Variants in MRTFB observed in about 807,000 individuals in gnomAD.
The protein encoded by MRTFB is myocardin related transcription factor B, also known as myocardin-related transcription factor B.
A neutral mutation model predicts 104.2 loss-of-function variants in MRTFB; 29 were observed. The observed-to-expected ratio is 0.28, with a 90% CI of 0.21 to 0.38. The LOEUF (loss-of-function observed/expected upper bound fraction) is 0.38. Among genes scored for constraint, MRTFB ranks in the 10% least tolerant of loss-of-function variants. The pLI, the probability that MRTFB is intolerant of heterozygous loss-of-function variation, is 1.00. For missense variants in MRTFB, 1,270 were observed against 1,341.6 expected (o/e 0.95, Z 0.83); for synonymous variants, 535 against 519.5 (o/e 1.03, Z -0.41).
intron 3 of MRTFB, among the ~76,000 whole-genome samples, chr16:14,179,440 C>G (rs1391314059): frequency 6.6e-6 from 1 of 152,190 alleles, no homozygotes; most frequent in Non-Finnish European, 1.5e-5. Flanking sequence ...TCCAGGTGAT[C>G]AAGGAGATTT....
At chr16:14,062,196 G>A in the MRTFB span, among the ~76,000 whole-genome samples, 571 of 152,206 alleles carry the variant, frequency 3.8e-3, 3 homozygotes, top group African/African-American at 0.013. Flanking sequence ...AGACTCAAGC[G>A]ATCTTCCTGC....
intron 2 of MRTFB, among the ~76,000 whole-genome samples, chr16:14,085,171 T>A (rs2034622335): frequency 6.6e-6 from 1 of 152,006 alleles, no homozygotes; most frequent in Non-Finnish European, 1.5e-5. Flanking sequence ...AAATACATCT[T>A]CTGGCCAGGT....
the MRTFB span, among the ~76,000 whole-genome samples, chr16:14,055,275 C>T: frequency 3.5e-4 from 53 of 152,178 alleles, no homozygotes; most frequent in African/African-American, 1.1e-3. Flanking sequence ...CACTTGAACC[C>T]GGGAAGCGGA....
chr16:14,105,551 C>T (rs1257997249), intron 2 of MRTFB, among the ~76,000 whole-genome samples: 8 of 152,024 alleles, frequency 5.3e-5, no homozygotes, highest in Non-Finnish European at 1.0e-4. Context: ...GCACGTGCTA[C>T]CGTACCCAGC....
the MRTFB span, among the ~76,000 whole-genome samples, chr16:14,048,868 A>G: frequency 6.6e-6 from 1 of 152,200 alleles, no homozygotes; most frequent in Non-Finnish European, 1.5e-5. Context: ...CCTGGGACCT[A>G]TGCAGAGCCA....
intron 3 of MRTFB, among the ~76,000 whole-genome samples, chr16:14,182,109 A>C (rs2039789874): frequency 6.6e-6 from 1 of 152,244 alleles, no homozygotes; most frequent in South Asian, 2.1e-4. Context: ...AACAAGGGCA[A>C]ACCTACTGGA....
chr16:14,222,820 C>T lies in MRTFB; in HGVS notation c.693+3822C>T, dbSNP rs113477179. 7.5e-3 allele frequency among the ~76,000 whole-genome samples: 1,137 copies of T among 151,912 alleles called. 15 individuals carry two copies. The highest frequency in any genetic ancestry group is 0.026 in the African/African-American group (1,079 of 41,336). The stretch of plus-strand genomic sequence containing the variant: ...GAAACAACAGATGCTGGTGAGGCTG[C>T]GGAGAAATAAGAACACTAGAAATAG... On this transcript the variant is annotated intron_variant, in intron 8 of 16. Coordinates refer to ENST00000571589, the MANE Select transcript of MRTFB (RefSeq NM_001308142.2).
chr16:14,142,885 T>C (rs1440470414), intron 3 of MRTFB: 1 of 152,124 alleles, frequency 6.6e-6, no homozygotes, highest in African/African-American at 2.4e-5. Context: ...TCTAAGGAAA[T>C]AGATTAAATG....
At chr16:14,153,151 G>A (rs2038699282) in intron 3 of MRTFB, 3 of 152,202 alleles carry the variant, frequency 2.0e-5, no homozygotes, top group Non-Finnish European at 2.9e-5. Context: ...GTCAAAATTA[G>A]TTATTGAGTT....
the MRTFB span, among the ~76,000 whole-genome samples, chr16:14,048,226 C>T: frequency 2.0e-5 from 3 of 152,192 alleles, no homozygotes; most frequent in African/African-American, 7.2e-5. Context: ...GGTGGGTTCC[C>T]ATGGTCTTGG....
chr16:14,062,699 G>C, the MRTFB span, among the ~76,000 whole-genome samples: 9 of 152,164 alleles, frequency 5.9e-5, no homozygotes, highest in African/African-American at 2.2e-4. Flanking sequence ...GTATCCCACA[G>C]AATCACTGGG....
chr16:14,059,911 C>A, the MRTFB span, among the ~76,000 whole-genome samples: 1 of 151,772 alleles, frequency 6.6e-6, no homozygotes, highest in Non-Finnish European at 1.5e-5. Flanking sequence ...TCCAATTTAG[C>A]CATGTGCTCG....
At chr16:14,131,469 ATTAAAT>A (rs1450157358) in intron 2 of MRTFB, among the ~76,000 whole-genome samples, 1 of 152,196 alleles carries the variant, frequency 6.6e-6, no homozygotes, top group African/African-American at 2.4e-5. Flanking sequence ...CTTATTCAAA[ATTAAAT>A]TTTTTTTGTC....
chr16:14,217,415 C>A, intron 7 of MRTFB, 128 bp downstream of exon 7: 2 of 756,940 alleles, frequency 2.6e-6, no homozygotes, highest in Non-Finnish European at 4.0e-6. Flanking sequence ...GAAATTAACA[C>A]AGTGATTTGT....
intron 3 of MRTFB, chr16:14,142,280 T>A (rs1332592744): frequency 7.1e-6 from 1 of 141,604 alleles, no homozygotes; most frequent in Non-Finnish European, 1.5e-5. Context: ...GGAGTCTCAC[T>A]CTGTCGCCCA....
upstream of MRTFB, among the ~76,000 whole-genome samples, chr16:14,069,225 C>T (rs752238084): frequency 6.6e-6 from 1 of 152,194 alleles, no homozygotes; most frequent in Non-Finnish European, 1.5e-5. Context: ...CCTGCGTCAG[C>T]CTCCCAAAGT....
At chr16:14,189,145 G>T (rs1262835642) in intron 3 of MRTFB, among the ~76,000 whole-genome samples, 1 of 152,166 alleles carries the variant, frequency 6.6e-6, no homozygotes. Flanking sequence ...TTCAAAGTTA[G>T]TGACATTGAA....
intron 1 of MRTFB, among the ~76,000 whole-genome samples, chr16:14,075,222 T>G (rs1247805586): frequency 6.6e-6 from 1 of 152,248 alleles, no homozygotes; most frequent in African/African-American, 2.4e-5. Context: ...GTGTAAGGAC[T>G]TTTTCTGTCT....
At chr16:14,106,987 G>A (rs1009549811) in intron 2 of MRTFB, among the ~76,000 whole-genome samples, 22 of 152,318 alleles carry the variant, frequency 1.4e-4, no homozygotes, top group African/African-American at 5.3e-4. Flanking sequence ...TGTTTTCCAG[G>A]AGGTCTAGGC....
Sources: gnomAD v4.1 joint callset for allele counts (sites outside exome capture counted in the v4.1 genomes callset) on GRCh38, gnomAD v4.1.1 for gene constraint, MANE v1.5 for transcripts, NCBI Gene and HGNC (gene_info 2026-07-23, HGNC 2026-07-21) for gene names.